AAGAB: variants seen among roughly 807,000 people sequenced by gnomAD.
The protein encoded by AAGAB is alpha and gamma adaptin binding protein.
A neutral mutation model predicts 44.1 loss-of-function variants in AAGAB; 38 were observed. That is an observed-to-expected ratio of 0.86 (90% CI 0.67 to 1.13). The LOEUF (loss-of-function observed/expected upper bound fraction) is 1.13, where lower values mean the gene tolerates loss of function less well. Ranked by LOEUF, AAGAB falls within the 50% of genes most tolerant of loss-of-function variation. AAGAB has a pLI of 0.00. For synonymous variants in AAGAB, 131 were observed against 131.8 expected, an observed-to-expected ratio of 0.99 and a Z score of 0.04; for missense variants, 450 against 373.8, an observed-to-expected ratio of 1.20 and a Z score of -1.68.
rs746548830 is a variant in AAGAB at position 67,231,783 on chromosome 15, A to G, written c.535+31T>C. The G allele has an allele frequency of 1.4e-5, 21 of 1,517,190 alleles. No homozygotes were observed. The South Asian group carries it at 2.4e-4, about 17-fold the overall frequency. The allele number at this position is 1,517,190 out of a possible 1,614,324, so 94.0% of individuals were successfully genotyped here. On this transcript the variant is annotated intron_variant, in intron 5 of 9. Transcript: ENST00000261880. ...TTTAAAACTTACAAGGAACAAGAGG[A>G]AAAAAATGACTTGAGTCCCAAGTTA...
intron 1 of AAGAB, among the ~76,000 whole-genome samples, chr15:67,250,176 T>A (rs1012314081): frequency 6.6e-6 from 1 of 152,180 alleles, no homozygotes; most frequent in Non-Finnish European, 1.5e-5. Flanking sequence ...TTCTTTCTTT[T>A]TTTTCTTTAC....
intron 5 of AAGAB, among the ~76,000 whole-genome samples, chr15:67,230,673 T>G (rs1226682727): frequency 6.6e-6 from 1 of 152,202 alleles, no homozygotes; most frequent in Non-Finnish European, 1.5e-5. Context: ...TGTGGTACTT[T>G]GTTACCATAG....
At chr15:67,254,770 C>A (rs1485547938), upstream of AAGAB, 1 of 1,326,058 alleles carries the variant, frequency 7.5e-7, no homozygotes, top group Admixed American at 2.0e-5. Flanking sequence ...CCTAGACCCC[C>A]TTCCGCTCCC....
At chr15:67,215,146 C>G (rs1022033459) in intron 5 of AAGAB, among the ~76,000 whole-genome samples, 2 of 152,046 alleles carry the variant, frequency 1.3e-5, no homozygotes, top group African/African-American at 4.8e-5. Flanking sequence ...TTCAAGTGGC[C>G]CTTCAGAGAA....
intron 5 of AAGAB, chr15:67,226,831 G>C (rs540932011): frequency 5.5e-5 from 10 of 180,756 alleles, no homozygotes; most frequent in Non-Finnish European, 8.5e-5. Flanking sequence ...TTCCCATATA[G>C]ATAACACATC....
At position 67,212,161 on chromosome 15, in the gene AAGAB, G is replaced by A. The variant is rs559837863; in HGVS notation, c.536-2617C>T. On this transcript the variant is annotated intron_variant, in intron 5 of 9. Transcript: ENST00000261880. ...CTTCCAAAGTGCTGGGATTATAGGCGTGAGCTACGGCACCCGGCCGAAATG... is the reference window on the plus strand; with the variant it reads ...CTTCCAAAGTGCTGGGATTATAGGCATGAGCTACGGCACCCGGCCGAAATG... 3.3e-5 allele frequency among the ~76,000 whole-genome samples: 5 copies of A among 152,298 alleles called. No homozygotes were observed. The East Asian group carries it at 9.6e-4, about 29-fold the overall frequency.
intron 5 of AAGAB, among the ~76,000 whole-genome samples, chr15:67,230,481 T>G (rs193153252): frequency 1.1e-4 from 16 of 152,256 alleles, no homozygotes; most frequent in Non-Finnish European, 2.1e-4. Context: ...GAAAACTTCA[T>G]GTGAAGGATG....
At chr15:67,253,452 G>C (rs193223556) in intron 1 of AAGAB, among the ~76,000 whole-genome samples, 42 of 151,848 alleles carry the variant, frequency 2.8e-4, no homozygotes, top group Non-Finnish European at 4.3e-4. Flanking sequence ...AAAAAGGAGA[G>C]AAAAGAGAAA....
chr15:67,222,282 A>ACACACACACACACACACACACACACACC lies in AAGAB; in HGVS notation c.535+9531_535+9532insGGTGTGTGTGTGTGTGTGTGTGTGTGTG, dbSNP rs796412643. Among the ~76,000 whole-genome samples, 870 of 139,644 alleles carry ACACACACACACACACACACACACACACC rather than the reference A, an allele frequency of 6.2e-3. 19 individuals are homozygous for ACACACACACACACACACACACACACACC. The highest frequency in any genetic ancestry group is 0.016 in the Admixed American group (211 of 13,536). The allele number at this position is 139,644 out of a possible 152,430, so 91.6% of individuals were successfully genotyped here. A position where few individuals can be genotyped will look rare whatever the true frequency, so the allele number is the denominator to read the frequency against. ...CACACACACACACACACACACACAC[A>ACACACACACACACACACACACACACACC]CCCTCCACCCATGCTGCCTGACTTT... On this transcript the variant is annotated intron_variant, in intron 5 of 9. Transcript: ENST00000261880.
intron 5 of AAGAB, among the ~76,000 whole-genome samples, chr15:67,226,326 T>C (rs113015860): frequency 6.6e-6 from 1 of 152,198 alleles, no homozygotes; most frequent in African/African-American, 2.4e-5. Context: ...CTCACTATGT[T>C]GCCCAGGTTG....
At chr15:67,230,416 T>A (rs1242869932) in intron 5 of AAGAB, among the ~76,000 whole-genome samples, 1 of 152,152 alleles carries the variant, frequency 6.6e-6, no homozygotes, top group Non-Finnish European at 1.5e-5. Flanking sequence ...CCTACTTCAA[T>A]GTGACTGTTG....
At chr15:67,238,863 T>C (rs566490496) in intron 1 of AAGAB, among the ~76,000 whole-genome samples, 3 of 152,264 alleles carry the variant, frequency 2.0e-5, no homozygotes, top group African/African-American at 7.2e-5. Context: ...GCCCAGCTAA[T>C]GTTCTGTATT....
At chr15:67,210,110 T>C (rs1595981839) in intron 5 of AAGAB, among the ~76,000 whole-genome samples, 1 of 152,348 alleles carries the variant, frequency 6.6e-6, no homozygotes, top group East Asian at 1.9e-4. Flanking sequence ...TCATAGCCAC[T>C]ATGAACTAAT....
At chr15:67,248,912 C>T (rs1964794416) in intron 1 of AAGAB, among the ~76,000 whole-genome samples, 1 of 152,164 alleles carries the variant, frequency 6.6e-6, no homozygotes, top group South Asian at 2.1e-4. Context: ...TTTTCTACTC[C>T]ATCTACTGCA....
intron 1 of AAGAB, among the ~76,000 whole-genome samples, chr15:67,243,749 C>A (rs573442004): frequency 1.3e-5 from 2 of 152,282 alleles, no homozygotes; most frequent in East Asian, 3.9e-4. Context: ...TGGTTTTATT[C>A]TTTCTTGAAG....
At chr15:67,234,252 CAAAT>C (rs972165236) in intron 4 of AAGAB, among the ~76,000 whole-genome samples, 1 of 151,568 alleles carries the variant, frequency 6.6e-6, no homozygotes, top group Non-Finnish European at 1.5e-5. Flanking sequence ...GACTCTGTCT[CAAAT>C]AAATAAATAA....
chr15:67,242,475 G>C (rs1964626449), intron 1 of AAGAB, among the ~76,000 whole-genome samples: 1 of 147,356 alleles, frequency 6.8e-6, no homozygotes, highest in Non-Finnish European at 1.5e-5. Context: ...AATCATATCG[G>C]ATTCATACTG....
intron 1 of AAGAB, among the ~76,000 whole-genome samples, chr15:67,241,923 A>C (rs1964609126): frequency 6.6e-6 from 1 of 152,142 alleles, no homozygotes; most frequent in African/African-American, 2.4e-5. Flanking sequence ...CCTAAAATAA[A>C]GTTGAAATTT....
At chr15:67,255,111 G>C, upstream of AAGAB, 1 of 679,560 alleles carries the variant, frequency 1.5e-6, no homozygotes, top group Non-Finnish European at 2.7e-6. Context: ...CTTCCCCCAC[G>C]GCCCAGCACA....
Sources: allele counts gnomAD v4.1 joint callset (sites outside exome capture counted in the v4.1 genomes callset), GRCh38; gene constraint gnomAD v4.1.1; transcripts MANE v1.5; gene names NCBI Gene and HGNC (gene_info 2026-07-23, HGNC 2026-07-21).